BMPR1A: variants seen among roughly 807,000 people sequenced by gnomAD.
BMPR1A encodes the protein bone morphogenetic protein receptor type-1A.
BMPR1A carries 7 observed loss-of-function variants against 66.0 expected under a neutral mutation model. The ratio of observed to expected loss-of-function variants is 0.11; its 90% CI spans 0.06 to 0.20. The LOEUF (loss-of-function observed/expected upper bound fraction) is 0.20, where lower values mean the gene tolerates loss of function less well. Among genes scored for constraint, BMPR1A ranks in the 10% least tolerant of loss-of-function variants. The probability of loss-of-function intolerance (pLI) is 1.00; values close to 1 mark genes in which losing one functional copy is unlikely to be tolerated. For synonymous variants in BMPR1A, 200 were observed against 229.7 expected (o/e 0.87, Z 1.17); for missense variants, 408 against 669.1 (o/e 0.61, Z 4.31).
intron 1 of BMPR1A, among the ~76,000 whole-genome samples, chr10:86,775,928 C>T (rs117294375): frequency 0.022 from 3,389 of 152,228 alleles, 52 homozygotes; most frequent in South Asian, 0.051. Flanking sequence ...CCCTCCTTTT[C>T]GGCTGCTCAC....
In BMPR1A at chr10:86,923,763, T is replaced by C. The variant is rs1481051555; in HGVS notation, c.*44T>C. 1 of 1,608,504 alleles carries C rather than the reference T, an allele frequency of 6.2e-7. No homozygotes were observed. The highest frequency in any genetic ancestry group is 2.2e-5 in the East Asian group (1 of 44,866). ...AGAAACTCTAGACTGCAAGAACTGTTTTTACCCATGGCATGGGTGGAATTA... is the reference window on the plus strand; with the variant it reads ...AGAAACTCTAGACTGCAAGAACTGTCTTTACCCATGGCATGGGTGGAATTA... On this transcript the variant is annotated 3_prime_UTR_variant, in exon 13 of 13. Transcript: ENST00000372037.
chr10:86,810,116 G>A (rs1337844579), intron 1 of BMPR1A, among the ~76,000 whole-genome samples: 5 of 151,752 alleles, frequency 3.3e-5, no homozygotes, highest in African/African-American at 4.8e-5. Context: ...GATTACAGGC[G>A]CCCACCACCA....
intron 3 of BMPR1A, among the ~76,000 whole-genome samples, chr10:86,879,131 C>A (rs772251786): frequency 2.5e-4 from 38 of 152,094 alleles, no homozygotes; most frequent in Admixed American, 3.9e-4. Flanking sequence ...GACCCAAGTT[C>A]TTTGTCTTTT....
intron 1 of BMPR1A, among the ~76,000 whole-genome samples, chr10:86,804,124 T>TC (rs1841850981): frequency 6.6e-6 from 1 of 152,204 alleles, no homozygotes. Flanking sequence ...CAGTTTATTC[T>TC]CATAGGGGAT....
intron 2 of BMPR1A, among the ~76,000 whole-genome samples, chr10:86,858,589 G>T (rs1274591023): frequency 1.3e-5 from 2 of 152,126 alleles, no homozygotes; most frequent in African/African-American, 2.4e-5. Flanking sequence ...AATGAATTTA[G>T]TAAGGTTGCA....
At chr10:86,908,917 C>T (rs530866576) in intron 7 of BMPR1A, among the ~76,000 whole-genome samples, 3 of 152,258 alleles carry the variant, frequency 2.0e-5, no homozygotes, top group Admixed American at 1.3e-4. Flanking sequence ...AGGATCTTAG[C>T]CTGGTCAGAG....
intron 3 of BMPR1A, among the ~76,000 whole-genome samples, chr10:86,883,128 A>G (rs775549815): frequency 1.3e-4 from 20 of 152,162 alleles, no homozygotes; most frequent in East Asian, 1.9e-4. Flanking sequence ...ACCCCCATGC[A>G]CTTCTCCCTC....
intron 2 of BMPR1A, among the ~76,000 whole-genome samples, chr10:86,861,663 T>C (rs1376013672): frequency 1.3e-5 from 2 of 152,268 alleles, no homozygotes; most frequent in East Asian, 3.8e-4. Flanking sequence ...CAAGCCATTG[T>C]TTGCCTTAAG....
At chr10:86,847,427 C>T (rs1339285352) in intron 2 of BMPR1A, among the ~76,000 whole-genome samples, 1 of 152,066 alleles carries the variant, frequency 6.6e-6, no homozygotes, top group East Asian at 1.9e-4. Flanking sequence ...TTCTTTCTTC[C>T]TTCCTTTTGT....
chr10:86,794,855 GT>G lies in BMPR1A; in HGVS notation c.-268+37948del, dbSNP rs528451566. On this transcript the variant is annotated intron_variant, in intron 1 of 12. Coordinates refer to ENST00000372037, the MANE Select transcript of BMPR1A (RefSeq NM_004329.3). ...ATATAGATATATAGATATAGATATA[GT>G]TTTTTTTTTTTAGATAGAGAGTTTC... Among the ~76,000 whole-genome samples the G allele has an allele frequency of 2.5e-4, 36 of 144,636 alleles. No individual in the cohort carries two copies. The East Asian group carries it at 2.8e-3, about 11-fold the overall frequency. 94.9% of individuals were successfully genotyped at this position (144,636 alleles called of 152,430 possible).
At chr10:86,815,780 G>A (rs574190936) in intron 1 of BMPR1A, among the ~76,000 whole-genome samples, 1 of 152,318 alleles carries the variant, frequency 6.6e-6, no homozygotes, top group South Asian at 2.1e-4. Flanking sequence ...CCACATCTAG[G>A]TCTTCTTTAG....
chr10:86,922,292 G>T (rs1318782530), intron 11 of BMPR1A, among the ~76,000 whole-genome samples: 2 of 152,150 alleles, frequency 1.3e-5, no homozygotes, highest in Admixed American at 1.3e-4. Context: ...TTTTCTTGAT[G>T]TGTTCATCTG....
At chr10:86,762,027 G>A (rs1292290193) in intron 1 of BMPR1A, among the ~76,000 whole-genome samples, 1 of 152,156 alleles carries the variant, frequency 6.6e-6, no homozygotes, top group Non-Finnish European at 1.5e-5. Context: ...TTCCAACAGT[G>A]GGAATTGGGT....
intron 1 of BMPR1A, among the ~76,000 whole-genome samples, chr10:86,832,383 T>C (rs367578331): frequency 1.5e-4 from 23 of 152,008 alleles, no homozygotes; most frequent in African/African-American, 5.6e-4. Context: ...GGAGAATTGC[T>C]TGAACCCGGG....
intron 1 of BMPR1A, among the ~76,000 whole-genome samples, chr10:86,817,951 A>G (rs536337910): frequency 6.6e-6 from 1 of 152,220 alleles, no homozygotes; most frequent in Non-Finnish European, 1.5e-5. Context: ...TGATGCCAAA[A>G]TCTTCAATAA....
chr10:86,879,649 A>G (rs750381732), intron 3 of BMPR1A, among the ~76,000 whole-genome samples: 10 of 152,210 alleles, frequency 6.6e-5, no homozygotes, highest in Non-Finnish European at 8.8e-5. Flanking sequence ...AAAGGGTTCT[A>G]TACCCCAGAG....
rs578222438 is a variant in BMPR1A at position 86,807,677 on chromosome 10, C to A, written c.-267-31188C>A. Reference sequence around the variant, plus strand: ...GGATTACAGGCATATGCCACCATGCCCAGTCCCCATCTTTCTTATGTATTC... The same window carrying A: ...GGATTACAGGCATATGCCACCATGCACAGTCCCCATCTTTCTTATGTATTC... On this transcript the variant is annotated intron_variant, in intron 1 of 12. Coordinates refer to ENST00000372037, the MANE Select transcript of BMPR1A (RefSeq NM_004329.3). Among the ~76,000 whole-genome samples, 10 of 152,334 alleles carry A rather than the reference C, an allele frequency of 6.6e-5. No individual in the cohort carries two copies. The South Asian group carries it at 2.1e-3, about 32-fold the overall frequency.
intron 1 of BMPR1A, among the ~76,000 whole-genome samples, chr10:86,838,240 T>C (rs938933861): frequency 3.9e-5 from 6 of 152,108 alleles, no homozygotes; most frequent in Admixed American, 3.3e-4. Context: ...AAAATAATAA[T>C]AATAATAATT....
Position 86,804,792 on chromosome 10 carries a change from G to GTTTTTTTTTTTTTTTTTTTTTTTTTTTTT in BMPR1A, c.-267-34051_-267-34050insTTTTTTTTTTTTTTTTTTTTTTTTTTTTT, listed in dbSNP as rs5786747. 9.4e-4 allele frequency among the ~76,000 whole-genome samples: 54 copies of GTTTTTTTTTTTTTTTTTTTTTTTTTTTTT among 57,256 alleles called. 1 individual carries two copies. Among genetic ancestry groups the GTTTTTTTTTTTTTTTTTTTTTTTTTTTTT allele is most frequent in the African/African-American group, 1.5e-3 (18 of 12,170 alleles). The allele number at this position is 57,256 out of a possible 152,430, so 37.6% of individuals were successfully genotyped here. On this transcript the variant is annotated intron_variant, in intron 1 of 12. Coordinates refer to ENST00000372037, the MANE Select transcript of BMPR1A (RefSeq NM_004329.3). ...TTATTTTAGCTTAATGTTTGTAGGT[G>GTTTTTTTTTTTTTTTTTTTTTTTTTTTTT]TTTTTTTTTTTTTTTTTTTTTTGCT...
Sources: allele counts gnomAD v4.1 joint callset (sites outside exome capture counted in the v4.1 genomes callset), GRCh38; gene constraint gnomAD v4.1.1; transcripts MANE v1.5; gene names NCBI Gene and HGNC (gene_info 2026-07-23, HGNC 2026-07-21).